The following KIAA1328 variants were observed in gnomAD, a reference collection of about 807,000 sequenced individuals.
KIAA1328 encodes the protein protein hinderin.
Under a neutral mutation model 68.1 loss-of-function variants are expected in KIAA1328, and 52 were observed. The ratio of observed to expected loss-of-function variants is 0.76; its 90% CI spans 0.61 to 0.96. The LOEUF is 0.96. KIAA1328 is among the 40% of genes least tolerant of loss of function. KIAA1328 has a pLI of 0.00. For missense variants in KIAA1328, 641 were observed against 677.6 expected, an observed-to-expected ratio of 0.95 and a Z score of 0.60; for synonymous variants, 232 against 239.4, an observed-to-expected ratio of 0.97 and a Z score of 0.28.
intron 9 of KIAA1328, among the ~76,000 whole-genome samples, chr18:37,186,117 T>TTTTTTTG (rs2059794187): frequency 6.8e-6 from 1 of 147,342 alleles, no homozygotes; most frequent in African/African-American, 2.5e-5. Flanking sequence ...TTTTTTTTTT[T>TTTTTTTG]GTGAGGCAGG....
intron 6 of KIAA1328, among the ~76,000 whole-genome samples, chr18:37,026,925 G>A (rs2054606840): frequency 1.3e-5 from 2 of 152,312 alleles, no homozygotes; most frequent in Non-Finnish European, 2.9e-5. Context: ...AAAAAAGGCA[G>A]TCAAATTGTC....
intron 6 of KIAA1328, among the ~76,000 whole-genome samples, chr18:37,009,305 C>T (rs1254476941): frequency 6.6e-6 from 1 of 152,222 alleles, no homozygotes; most frequent in East Asian, 1.9e-4. Context: ...ACCTTCTTTG[C>T]AGATGGGGTG....
intron 6 of KIAA1328, among the ~76,000 whole-genome samples, chr18:37,064,310 A>G (rs1186195235): frequency 6.6e-6 from 1 of 152,140 alleles, no homozygotes; most frequent in Non-Finnish European, 1.5e-5. Flanking sequence ...TTCTTTTATC[A>G]TAGGATAAGA....
intron 5 of KIAA1328, among the ~76,000 whole-genome samples, chr18:36,953,530 A>G (rs1400824993): frequency 2.0e-5 from 3 of 151,512 alleles, no homozygotes; most frequent in African/African-American, 7.3e-5. Flanking sequence ...ATAAAATTTT[A>G]TAAAAATTTA....
chr18:37,028,116 G>A lies in KIAA1328; in HGVS notation c.577-38774G>A, dbSNP rs1436493581. On this transcript the variant is annotated intron_variant, in intron 6 of 9. Coordinates refer to ENST00000280020, the MANE Select transcript of KIAA1328 (RefSeq NM_020776.3). ...CAGACACATGAAAAAATGCCCATGT[G>A]TTCTCAATGTTAGCTCCTACTTGTA... Among the ~76,000 whole-genome samples the A allele has an allele frequency of 3.9e-5, 6 of 152,196 alleles. No individual in the cohort carries two copies. The East Asian group carries it at 1.2e-3, about 29-fold the overall frequency.
chr18:36,835,884 A>G (rs562610141), intron 3 of KIAA1328, among the ~76,000 whole-genome samples: 1 of 152,114 alleles, frequency 6.6e-6, no homozygotes. Context: ...GTTCAATACC[A>G]CTTCACACTC....
In KIAA1328 at chr18:37,183,545, TC is replaced by T. The variant is rs2059737596; in HGVS notation, c.1523+10468del. Among the ~76,000 whole-genome samples, 7 of 152,184 alleles carry T rather than the reference TC, an allele frequency of 4.6e-5. No individual in the cohort carries two copies. The South Asian group carries it at 1.2e-3, about 27-fold the overall frequency. ...CAACATTCTGCCTTTCTTTTTTCTGTCCCCTACCCAAGCCCAGGGCCTCTTC... is the reference window on the plus strand; with the variant it reads ...CAACATTCTGCCTTTCTTTTTTCTGTCCCTACCCAAGCCCAGGGCCTCTTC... On this transcript the variant is annotated intron_variant, in intron 9 of 9. Transcript: ENST00000280020.
intron 5 of KIAA1328, among the ~76,000 whole-genome samples, chr18:36,941,145 A>T (rs562607035): frequency 6.6e-6 from 1 of 152,302 alleles, no homozygotes; most frequent in African/African-American, 2.4e-5. Flanking sequence ...GTTTGGTATG[A>T]TTAATAGTTT....
chr18:36,874,885 T>G (rs775074584), intron 4 of KIAA1328, among the ~76,000 whole-genome samples: 3 of 152,172 alleles, frequency 2.0e-5, no homozygotes, highest in Admixed American at 6.6e-5. Context: ...CAGTTTCAGT[T>G]TTCTGCATAT....
chr18:36,829,564 A>G (rs2046388381), intron 1 of KIAA1328: 2 of 554,728 alleles, frequency 3.6e-6, no homozygotes, highest in Non-Finnish European at 4.8e-6. Flanking sequence ...GCTAGCTCGA[A>G]GTTGAGGGAG....
intron 7 of KIAA1328, among the ~76,000 whole-genome samples, chr18:37,105,030 A>G (rs2057730524): frequency 6.6e-6 from 1 of 152,138 alleles, no homozygotes; most frequent in African/African-American, 2.4e-5. Context: ...TTTGTAACCC[A>G]CAACTAACCT....
At chr18:36,915,309 G>A (rs1598699138) in intron 5 of KIAA1328, among the ~76,000 whole-genome samples, 2 of 152,172 alleles carry the variant, frequency 1.3e-5, no homozygotes, top group East Asian at 3.9e-4. Context: ...GAAACCAAAA[G>A]TATGATACAT....
intron 5 of KIAA1328, among the ~76,000 whole-genome samples, chr18:36,904,622 G>A (rs2049152851): frequency 6.6e-6 from 1 of 151,966 alleles, no homozygotes; most frequent in African/African-American, 2.4e-5. Flanking sequence ...TGTATTTAAT[G>A]TGCATTTTTT....
chr18:36,844,205 A>G lies in KIAA1328; in HGVS notation c.238-3A>G. On this transcript the variant is annotated splice_region_variant and splice_polypyrimidine_tract_variant and intron_variant, in intron 3 of 9. Coordinates refer to ENST00000280020, the MANE Select transcript of KIAA1328 (RefSeq NM_020776.3). ...AAGTGTAACTAAATTTTTTTTTTTT[A>G]AGAATTCCTGCAGGGGAGAAATAAA... The G allele has an allele frequency of 3.2e-6, 5 of 1,557,354 alleles. No individual in the cohort carries two copies. Among genetic ancestry groups the G allele is most frequent in the African/African-American group, 1.4e-5 (1 of 71,842 alleles).
chr18:36,930,046 A>G (rs543383228), intron 5 of KIAA1328, among the ~76,000 whole-genome samples: 19 of 152,188 alleles, frequency 1.2e-4, no homozygotes, highest in Non-Finnish European at 1.8e-4. Context: ...CTGTTGTCCT[A>G]CCTTCATTAT....
chr18:37,119,001 G>T (rs1185118981), intron 7 of KIAA1328, among the ~76,000 whole-genome samples: 2 of 152,072 alleles, frequency 1.3e-5, no homozygotes, highest in African/African-American at 4.8e-5. Context: ...TCATGATGGG[G>T]GATATGCTAA....
At chr18:37,094,951 G>A (rs2057363608) in intron 7 of KIAA1328, among the ~76,000 whole-genome samples, 1 of 130,732 alleles carries the variant, frequency 7.6e-6, no homozygotes, top group Non-Finnish European at 1.5e-5. Flanking sequence ...TAGGTTTTAT[G>A]TCAAAAAAAA....
At chr18:37,147,641 C>A (rs1417957766) in intron 7 of KIAA1328, among the ~76,000 whole-genome samples, 1 of 152,156 alleles carries the variant, frequency 6.6e-6, no homozygotes, top group Non-Finnish European at 1.5e-5. Flanking sequence ...GTACATTTCA[C>A]TGAAGCTTGA....
At chr18:36,830,410 A>G (rs946162038) in intron 1 of KIAA1328, among the ~76,000 whole-genome samples, 9 of 152,250 alleles carry the variant, frequency 5.9e-5, no homozygotes, top group African/African-American at 2.2e-4. Flanking sequence ...TCAGAAGAGA[A>G]TATGTGCACT....
Sources: allele counts gnomAD v4.1 joint callset (sites outside exome capture counted in the v4.1 genomes callset), GRCh38; gene constraint gnomAD v4.1.1; transcripts MANE v1.5; gene names NCBI Gene and HGNC (gene_info 2026-07-23, HGNC 2026-07-21).